CARS2: variants seen among roughly 807,000 people sequenced by gnomAD.
CARS2 encodes cysteinyl-tRNA synthetase 2, mitochondrial, also known as probable cysteine--tRNA ligase, mitochondrial.
CARS2 carries 52 observed loss-of-function variants against 68.8 expected under a neutral mutation model. That is an observed-to-expected ratio of 0.76 (90% CI 0.61 to 0.95). The LOEUF is 0.95. CARS2 is among the 40% of genes least tolerant of loss of function. The pLI is 0.00. For missense variants in CARS2, 780 were observed against 754.2 expected (o/e 1.03, Z -0.40); for synonymous variants, 314 against 303.6 (o/e 1.03, Z -0.36).
intron 5 of CARS2, among the ~76,000 whole-genome samples, chr13:110,685,309 C>CA (rs751516381): frequency 0.051 from 6,829 of 132,938 alleles, 439 homozygotes; most frequent in African/African-American, 0.16. Flanking sequence ...GACTCTGTCT[C>CA]AAAAAAAAAA....
intron 9 of CARS2, among the ~76,000 whole-genome samples, chr13:110,654,948 AAAAG>A (rs1162189539): frequency 3.7e-5 from 5 of 135,818 alleles, no homozygotes; most frequent in East Asian, 4.2e-4. Context: ...AAAAGAAAAA[AAAAG>A]AAAAAGAAAA....
rs1227765136 is a variant in CARS2 at position 110,705,805 on chromosome 13, G to A, written c.224+65C>T. ...AACGCCCTCCCCGAGCCCAGATCCC[G>A]TTCAGCCGTGGGAAGTCTCCGCCAC... is the stretch of plus-strand genomic sequence containing the variant. On this transcript the variant is annotated intron_variant, in intron 1 of 14. Coordinates refer to ENST00000257347, the MANE Select transcript of CARS2 (RefSeq NM_024537.4). This position sits in a 1 kb window ranked among gnomAD's most constrained non-coding sequence, Gnocchi z 4.0. The A allele has an allele frequency of 2.2e-5, 33 of 1,524,666 alleles. No individual in the cohort carries two copies. Among genetic ancestry groups the A allele is most frequent in the Non-Finnish European group, 2.9e-5 (33 of 1,138,044 alleles). The allele number at this position is 1,524,666 out of a possible 1,614,324, so 94.4% of individuals were successfully genotyped here. A position where few individuals can be genotyped will look rare whatever the true frequency, so the allele number is the denominator to read the frequency against.
upstream of CARS2, chr13:110,707,661 T>G (rs1951373564): frequency 6.7e-6 from 1 of 149,366 alleles, no homozygotes; most frequent in South Asian, 2.1e-4. Flanking sequence ...AAAAAAAAAG[T>G]GCCTCTATTG....
At chr13:110,703,471 C>T (rs1417602116) in intron 2 of CARS2, among the ~76,000 whole-genome samples, 1 of 152,168 alleles carries the variant, frequency 6.6e-6, no homozygotes, top group Non-Finnish European at 1.5e-5. Flanking sequence ...CCTGTGTGGA[C>T]ACAGCTTATA....
At chr13:110,654,930 A>AG (rs2062323950) in intron 9 of CARS2, among the ~76,000 whole-genome samples, 1 of 141,084 alleles carries the variant, frequency 7.1e-6, no homozygotes, top group African/African-American at 2.9e-5. Context: ...TCAAAAAAAA[A>AG]AAAAAGAAAA....
chr13:110,709,863 C>T (rs925877613), upstream of CARS2, among the ~76,000 whole-genome samples: 15 of 152,182 alleles, frequency 9.9e-5, no homozygotes, highest in African/African-American at 3.1e-4. Flanking sequence ...TAGGTCAGAA[C>T]GAGGAAGTGT....
chr13:110,693,562 T>A (rs571203073), intron 3 of CARS2, among the ~76,000 whole-genome samples: 8 of 152,190 alleles, frequency 5.3e-5, no homozygotes, highest in Admixed American at 3.9e-4. Flanking sequence ...GGTTTTACCG[T>A]GTTAGCCAGA....
chr13:110,649,782 T>C (rs530352279), intron 10 of CARS2, among the ~76,000 whole-genome samples: 1 of 152,170 alleles, frequency 6.6e-6, no homozygotes, highest in Non-Finnish European at 1.5e-5. Flanking sequence ...AGGAAGGAAC[T>C]GTCACCATCT....
intron 3 of CARS2, among the ~76,000 whole-genome samples, chr13:110,692,438 T>A (rs899361667): frequency 1.3e-5 from 2 of 150,814 alleles, no homozygotes; most frequent in African/African-American, 4.9e-5. Flanking sequence ...GCCATTGCAC[T>A]CCAGCCTGGA....
At chr13:110,673,153 A>C in intron 7 of CARS2, among the ~76,000 whole-genome samples, 1 of 152,240 alleles carries the variant, frequency 6.6e-6, no homozygotes, top group Non-Finnish European at 1.5e-5. Flanking sequence ...AGGAGCTGGT[A>C]CCATTCCTTC....
chr13:110,692,976 G>A (rs1018618109), intron 3 of CARS2, among the ~76,000 whole-genome samples: 3 of 151,684 alleles, frequency 2.0e-5, no homozygotes, highest in African/African-American at 4.8e-5. Flanking sequence ...TGGGTGTGGT[G>A]GTGGGCGCCT....
chr13:110,647,310 A>G, intron 10 of CARS2, 71 bp from the exon 11 acceptor site: 1 of 1,552,790 alleles, frequency 6.4e-7, no homozygotes, highest in Non-Finnish European at 8.7e-7. Context: ...CAGCAGAATC[A>G]GTGTTTTCTG....
In CARS2 at chr13:110,692,047, T is replaced by TAC. The variant is rs554610578; in HGVS notation, c.394-4031_394-4030dup. 8.5e-4 allele frequency among the ~76,000 whole-genome samples: 110 copies of TAC among 129,158 alleles called. 1 individual carries two copies. Among genetic ancestry groups the TAC allele is most frequent in the Non-Finnish European group, 1.5e-3 (91 of 62,536 alleles). 84.7% of individuals were successfully genotyped at this position (129,158 alleles called of 152,430 possible). Reference sequence around the variant, plus strand: ...ATACACACACACACATATATATATATACACATATACATATATATATACACA... The same window carrying TAC: ...ATACACACACACACATATATATATATACACACATATACATATATATATACACA... On this transcript the variant is annotated intron_variant, in intron 3 of 14. Coordinates refer to ENST00000257347, the MANE Select transcript of CARS2 (RefSeq NM_024537.4).
intron 11 of CARS2, 43 bp downstream of exon 11, chr13:110,647,058 C>A: frequency 6.6e-7 from 1 of 1,522,566 alleles, no homozygotes; most frequent in Non-Finnish European, 8.8e-7. Flanking sequence ...ACCCAGCAGG[C>A]CACAGGAGGG....
intron 5 of CARS2, among the ~76,000 whole-genome samples, chr13:110,683,470 A>G (rs1346650815): frequency 6.6e-6 from 1 of 152,258 alleles, no homozygotes; most frequent in Non-Finnish European, 1.5e-5. Flanking sequence ...AGATAAATGC[A>G]TGATTTGGAC....
At position 110,646,042 on chromosome 13, in the gene CARS2, A is replaced by C; in HGVS notation, c.1242T>G (p.Phe414Leu). ...RAVKAALADDFDTPRVVDAIL... is the reference protein window; with the variant it reads ...RAVKAALADDLDTPRVVDAIL... ...TGGCATCAACCACCCTGGGTGTGTC[A>C]AAATCATCTGCCAAGGCCGCCTTCA... Residue 414 changes from phenylalanine (F) to leucine (L), a missense_variant, in exon 12 of 15, where the codon TTT becomes TTG. Coordinates refer to ENST00000257347, the MANE Select transcript of CARS2 (RefSeq NM_024537.4). 6.2e-7 allele frequency: 1 copy of C among 1,613,626 alleles called. No homozygotes were observed. Among genetic ancestry groups the C allele is most frequent in the Non-Finnish European group, 8.5e-7 (1 of 1,179,832 alleles).
At chr13:110,694,969 A>G (rs976815312) in intron 3 of CARS2, among the ~76,000 whole-genome samples, 6 of 152,106 alleles carry the variant, frequency 3.9e-5, no homozygotes, top group African/African-American at 1.4e-4. Context: ...TGTGGGTTCA[A>G]TCGATCTCAT....
chr13:110,683,157 A>C lies in CARS2; in HGVS notation c.572-23T>G, dbSNP rs1017546562. Reference sequence around the variant, plus strand: ...TGCCTGTTTATAAAGACAATTATGAATTCATCACTTCTCAGTCTGAATATC... The same window carrying C: ...TGCCTGTTTATAAAGACAATTATGACTTCATCACTTCTCAGTCTGAATATC... On this transcript the variant is annotated intron_variant, in intron 5 of 14. Transcript: ENST00000257347. 4 of 1,487,358 alleles carry C rather than the reference A, an allele frequency of 2.7e-6. No homozygotes were observed. In the African/African-American group the frequency reaches 5.7e-5, roughly 21 times the overall value. 92.1% of individuals were successfully genotyped at this position (1,487,358 alleles called of 1,614,324 possible).
Position 110,670,098 on chromosome 13 carries a change from G to T in CARS2, c.786-2625C>A, listed in dbSNP as rs1181526473. On this transcript the variant is annotated intron_variant, in intron 7 of 14. Coordinates refer to ENST00000257347, the MANE Select transcript of CARS2 (RefSeq NM_024537.4). The surrounding 1 kb of genome is among the most constrained non-coding windows in gnomAD (Gnocchi z 4.1). The stretch of plus-strand genomic sequence containing the variant: ...GGTGGAGCCCACTACAGCTCAAGGA[G>T]GCCTGCCCACCTCTGTAGACTCCAC... 6.6e-6 allele frequency among the ~76,000 whole-genome samples: 1 copy of T among 152,196 alleles called. No individual in the cohort carries two copies. Among genetic ancestry groups the T allele is most frequent in the African/African-American group, 2.4e-5 (1 of 41,440 alleles).
Sources: allele counts gnomAD v4.1 joint callset (sites outside exome capture counted in the v4.1 genomes callset), GRCh38; gene constraint gnomAD v4.1.1; non-coding constraint Gnocchi (gnomAD v3.1); transcripts MANE v1.5; gene names NCBI Gene and HGNC (gene_info 2026-07-23, HGNC 2026-07-21).